Variants in VAMP4 observed in about 807,000 individuals in gnomAD.
VAMP4 encodes the protein vesicle associated membrane protein 4.
In VAMP4, 19 loss-of-function variants were observed where a neutral mutation model predicts 23.5. That is an observed-to-expected ratio of 0.81 (90% confidence interval 0.56 to 1.19). The LOEUF (loss-of-function observed/expected upper bound fraction) is 1.19. Ranked by LOEUF, VAMP4 falls within the 50% of genes most tolerant of loss-of-function variation. The pLI is 0.00. For synonymous variants in VAMP4, 31 were observed against 51.0 expected (o/e 0.61, Z 1.67); for missense variants, 145 against 168.6 (o/e 0.86, Z 0.78).
At chr1:171,720,277 A>T (rs1655149667) in intron 3 of VAMP4, among the ~76,000 whole-genome samples, 1 of 151,950 alleles carries the variant, frequency 6.6e-6, no homozygotes. Flanking sequence ...ACCGAAAAAC[A>T]AAGAAAAGCA....
At chr1:171,729,241 A>C (rs1655480914) in intron 2 of VAMP4, among the ~76,000 whole-genome samples, 1 of 152,212 alleles carries the variant, frequency 6.6e-6, no homozygotes, top group Non-Finnish European at 1.5e-5. Flanking sequence ...ACAGTATACA[A>C]GTTAAGAATC....
rs200615765 is a variant in VAMP4 at position 171,723,387 on chromosome 1, C to CATCCCTTATCT, written c.114-4177_114-4167dup. 6.3e-3 allele frequency among the ~76,000 whole-genome samples: 965 copies of CATCCCTTATCT among 152,306 alleles called. 7 individuals are homozygous for CATCCCTTATCT. The highest frequency in any genetic ancestry group is 0.022 in the African/African-American group (914 of 41,576). On this transcript the variant is annotated intron_variant, in intron 3 of 7. Transcript: ENST00000236192. ...AGGCCTGGGAGACCAGGGCTTATTT[C>CATCCCTTATCT]ATCCCTTATCTGCAACATATAAGAC...
At chr1:171,713,894 A>G (rs940101522) in intron 4 of VAMP4, among the ~76,000 whole-genome samples, 3 of 152,182 alleles carry the variant, frequency 2.0e-5, no homozygotes, top group Non-Finnish European at 2.9e-5. Context: ...ATTGGGACAG[A>G]ACCAATAAAA....
At chr1:171,728,219 C>G (rs1302293150) in intron 3 of VAMP4, among the ~76,000 whole-genome samples, 1 of 152,228 alleles carries the variant, frequency 6.6e-6, no homozygotes, top group Admixed American at 6.5e-5. Flanking sequence ...CTTTGTCCTG[C>G]ATATCCACAT....
chr1:171,708,817 G>A (rs908669338), intron 6 of VAMP4, among the ~76,000 whole-genome samples: 33 of 150,850 alleles, frequency 2.2e-4, no homozygotes, highest in Middle Eastern at 3.4e-3. Flanking sequence ...CAGAGGTTGC[G>A]GTGATATTGT....
rs1397343005 is a variant in VAMP4 at position 171,703,417 on chromosome 1, GTTTGTGTGTATATATATATATATATATA to G, written c.*1061_*1088del. 3 of 98,710 alleles carry G rather than the reference GTTTGTGTGTATATATATATATATATATA, an allele frequency of 3.0e-5. No individual in the cohort carries two copies. The highest frequency in any genetic ancestry group is 6.0e-5 in the Non-Finnish European group (3 of 49,622). 6.1% of individuals were successfully genotyped at this position (98,710 alleles called of 1,614,324 possible). On this transcript the variant is annotated 3_prime_UTR_variant, in exon 8 of 8. Coordinates refer to ENST00000236192, the MANE Select transcript of VAMP4 (RefSeq NM_003762.5). ...CGTGTGTGTGTGTGTGTGTGTGTGT[GTTTGTGTGTATATATATATATATATATA>G]TATATATATATATATATATATATAC...
At chr1:171,711,168 G>T (rs1654835351) in intron 4 of VAMP4, among the ~76,000 whole-genome samples, 1 of 152,056 alleles carries the variant, frequency 6.6e-6, no homozygotes, top group African/African-American at 2.4e-5. Flanking sequence ...ACAGGCTATT[G>T]AGGCAGCACA....
In VAMP4 at chr1:171,727,060, C is replaced by T. The variant is rs565685764; in HGVS notation, c.113+1464G>A. On this transcript the variant is annotated intron_variant, in intron 3 of 7. Transcript: ENST00000236192. Reference sequence around the variant, plus strand: ...CAGCCTGGGAAACAAAGTGAGACCTCATCTCTGCAAAATATAAATAAATAT... The same window carrying T: ...CAGCCTGGGAAACAAAGTGAGACCTTATCTCTGCAAAATATAAATAAATAT... Among the ~76,000 whole-genome samples, 6 of 151,644 alleles carry T rather than the reference C, an allele frequency of 4.0e-5. No individual in the cohort carries two copies. In the South Asian group the frequency reaches 1.2e-3, roughly 32 times the overall value.
In VAMP4 at chr1:171,703,451, A is replaced by ATATG. The variant is rs1553258250; in HGVS notation, c.*1054_*1055insCATA. The stretch of plus-strand genomic sequence containing the variant: ...TATATATATATATATATATATATAT[A>ATATG]TATATATATATATATATACACATAG... On this transcript the variant is annotated 3_prime_UTR_variant, in exon 8 of 8. Transcript: ENST00000236192. The ATATG allele has an allele frequency of 6.8e-3, 769 of 113,548 alleles. 9 individuals carry two copies. Among genetic ancestry groups the ATATG allele is most frequent in the African/African-American group, 0.015 (448 of 28,996 alleles). The allele number at this position is 113,548 out of a possible 1,614,324, so 7.0% of individuals were successfully genotyped here.
intron 1 of VAMP4, among the ~76,000 whole-genome samples, chr1:171,741,468 G>A (rs920592295): frequency 6.7e-6 from 1 of 150,210 alleles, no homozygotes; most frequent in Admixed American, 6.6e-5. Flanking sequence ...TTTCCCCCGG[G>A]CCCTTTAAAT....
chr1:171,741,300 TCTTC>T, intron 1 of VAMP4, among the ~76,000 whole-genome samples: 1 of 152,202 alleles, frequency 6.6e-6, no homozygotes, highest in East Asian at 1.9e-4. Context: ...TTCTGATTCG[TCTTC>T]CTTGTCTGTC....
chr1:171,709,796 TTTATC>T (rs1238627615), intron 5 of VAMP4, 52 bp from the exon 6 acceptor site: 9 of 1,353,818 alleles, frequency 6.6e-6, no homozygotes, highest in Non-Finnish European at 9.5e-6. Context: ...ACAGGATTCT[TTTATC>T]TAGTCACACA....
intron 2 of VAMP4, among the ~76,000 whole-genome samples, chr1:171,733,367 A>T (rs1424195062): frequency 6.6e-6 from 1 of 151,084 alleles, no homozygotes; most frequent in African/African-American, 2.4e-5. Flanking sequence ...TCTGAAGGCT[A>T]CTTGGGGGGA....
At chr1:171,707,821 C>A (rs1654705907) in intron 6 of VAMP4, among the ~76,000 whole-genome samples, 1 of 151,886 alleles carries the variant, frequency 6.6e-6, no homozygotes, top group South Asian at 2.1e-4. Flanking sequence ...GACCCAAACC[C>A]CATAAAGTAC....
At chr1:171,717,701 G>A (rs139399194) in intron 4 of VAMP4, among the ~76,000 whole-genome samples, 30 of 152,098 alleles carry the variant, frequency 2.0e-4, no homozygotes, top group Admixed American at 1.3e-3. Flanking sequence ...CTCCTTTGAA[G>A]GAGAATCCCA....
intron 2 of VAMP4, among the ~76,000 whole-genome samples, chr1:171,734,253 G>A (rs1196284261): frequency 7.0e-6 from 1 of 143,092 alleles, no homozygotes; most frequent in African/African-American, 2.7e-5. Flanking sequence ...GGGCAACAGA[G>A]GGAGACTCCG....
At chr1:171,711,986 C>A (rs1005977577) in intron 4 of VAMP4, among the ~76,000 whole-genome samples, 2 of 152,028 alleles carry the variant, frequency 1.3e-5, no homozygotes, top group African/African-American at 4.8e-5. Flanking sequence ...ACATGCTGTA[C>A]GGGTTTGTAG....
chr1:171,711,478 C>T (rs1238806532), intron 4 of VAMP4, among the ~76,000 whole-genome samples: 1 of 152,006 alleles, frequency 6.6e-6, no homozygotes. Flanking sequence ...TTCTGTTTTT[C>T]GATTGTTTGT....
At chr1:171,737,003 A>G (rs952833108) in intron 2 of VAMP4, among the ~76,000 whole-genome samples, 2 of 152,152 alleles carry the variant, frequency 1.3e-5, no homozygotes, top group African/African-American at 2.4e-5. Context: ...ACCATCAGAA[A>G]CACACAAAAC....
Sources: gnomAD v4.1 joint callset for allele counts (sites outside exome capture counted in the v4.1 genomes callset) on GRCh38, gnomAD v4.1.1 for gene constraint, MANE v1.5 for transcripts, NCBI Gene and HGNC (gene_info 2026-07-23, HGNC 2026-07-21) for gene names.